Variants in PTN observed in about 807,000 individuals in gnomAD.
The protein encoded by PTN is heparin affin regulatory protein.
A neutral mutation model predicts 24.1 loss-of-function variants in PTN; 18 were observed. That is an observed-to-expected ratio of 0.75 (90% CI 0.52 to 1.11). The LOEUF (loss-of-function observed/expected upper bound fraction) is 1.11. PTN is among the 50% of genes least tolerant of loss of function. The pLI is 0.00. For missense variants in PTN, 163 were observed against 198.8 expected, an observed-to-expected ratio of 0.82 and a Z score of 1.08; for synonymous variants, 78 against 68.6, an observed-to-expected ratio of 1.14 and a Z score of -0.67.
intron 1 of PTN, among the ~76,000 whole-genome samples, chr7:137,292,769 T>C (rs914800277): frequency 6.6e-6 from 1 of 152,196 alleles, no homozygotes; most frequent in African/African-American, 2.4e-5. Flanking sequence ...TTTTCTCTCC[T>C]GAATATTTTC....
At chr7:137,326,750 A>G (rs925193317) in intron 1 of PTN, 3 of 152,184 alleles carry the variant, frequency 2.0e-5, no homozygotes, top group African/African-American at 7.2e-5. Context: ...TGTCTCTCCA[A>G]TGGGCTTTTA....
chr7:137,341,518 C>A (rs1011940638), intron 1 of PTN, among the ~76,000 whole-genome samples: 1 of 151,780 alleles, frequency 6.6e-6, no homozygotes, highest in African/African-American at 2.4e-5. Context: ...GTTAGGTATA[C>A]CTTATTACTC....
At chr7:137,314,313 G>T (rs1463665233) in intron 1 of PTN, among the ~76,000 whole-genome samples, 1 of 152,120 alleles carries the variant, frequency 6.6e-6, no homozygotes, top group Non-Finnish European at 1.5e-5. Flanking sequence ...TTTTCTGCAT[G>T]TATTAACTTA....
chr7:137,311,029 C>T (rs1262674048), intron 1 of PTN, among the ~76,000 whole-genome samples: 2 of 152,020 alleles, frequency 1.3e-5, no homozygotes, highest in East Asian at 3.9e-4. Flanking sequence ...GTCAGAAGTT[C>T]GAAACCAAAC....
intron 1 of PTN, among the ~76,000 whole-genome samples, chr7:137,330,799 T>C (rs998705583): frequency 1.3e-5 from 2 of 152,096 alleles, no homozygotes; most frequent in Admixed American, 6.5e-5. Flanking sequence ...CTGGAGTGAT[T>C]TCATGGGACT....
rs1808847645 is a variant in PTN, at chr7:137,252,599, AC to A, written c.289+864del. Among the ~76,000 whole-genome samples, 2 of 151,860 alleles carry A rather than the reference AC, an allele frequency of 1.3e-5. 1 individual carries two copies. The highest frequency in any genetic ancestry group is 4.9e-5 in the African/African-American group (2 of 41,104). ...GTCTATATCCATTCAAATAAAAAAT[AC>A]CCCAAAGATTACAGAGGGAGAAAAA... On this transcript the variant is annotated intron_variant, in intron 3 of 4. Transcript: ENST00000348225.
At chr7:137,246,413 C>T (rs1808724317) in intron 4 of PTN, among the ~76,000 whole-genome samples, 1 of 152,156 alleles carries the variant, frequency 6.6e-6, no homozygotes, top group African/African-American at 2.4e-5. Flanking sequence ...AATGAAATCA[C>T]CTAAGGATAC....
intron 1 of PTN, among the ~76,000 whole-genome samples, chr7:137,293,241 G>A (rs1395913323): frequency 6.6e-6 from 1 of 152,104 alleles, no homozygotes; most frequent in African/African-American, 2.4e-5. Context: ...AGAGATGAAA[G>A]AGAAAAGGTA....
At chr7:137,324,431 A>T (rs188200313) in intron 1 of PTN, among the ~76,000 whole-genome samples, 9,706 of 62,902 alleles carry the variant, frequency 0.15, 516 homozygotes, top group East Asian at 0.3. Flanking sequence ...AAAAAAAAAA[A>T]AAATATATAT....
At position 137,227,913 on chromosome 7, in the gene PTN, C is replaced by A; in HGVS notation, c.*107G>T. ...TCTTTTTGTTTTTGCTTATTGTGTA[C>A]TTAGCTATAGATAATTTTTGAATAC... On this transcript the variant is annotated 3_prime_UTR_variant, in exon 5 of 5. Transcript: ENST00000348225. 6.9e-7 allele frequency: 1 copy of A among 1,451,608 alleles called. No individual in the cohort carries two copies. The highest frequency in any genetic ancestry group is 1.5e-5 in the South Asian group (1 of 67,736). The allele number at this position is 1,451,608 out of a possible 1,614,324, so 89.9% of individuals were successfully genotyped here. A position where few individuals can be genotyped will look rare whatever the true frequency, so the allele number is the denominator to read the frequency against.
chr7:137,241,233 T>C (rs1469691463), intron 4 of PTN, among the ~76,000 whole-genome samples: 1 of 152,126 alleles, frequency 6.6e-6, no homozygotes, highest in Non-Finnish European at 1.5e-5. Flanking sequence ...GAGTTAAAAT[T>C]GGAGATGAGA....
At chr7:137,339,532 GA>G (rs1305316245) in intron 1 of PTN, among the ~76,000 whole-genome samples, 6 of 126,464 alleles carry the variant, frequency 4.7e-5, no homozygotes, top group Non-Finnish European at 8.1e-5. Flanking sequence ...TTGCAGTGAT[GA>G]AAATGTTGCC....
chr7:137,234,359 G>T (rs751685799), intron 4 of PTN, among the ~76,000 whole-genome samples: 1 of 151,926 alleles, frequency 6.6e-6, no homozygotes, highest in Non-Finnish European at 1.5e-5. Flanking sequence ...GGATGTACTG[G>T]ATCCAAGGGC....
chr7:137,309,868 C>A (rs1206555156), intron 1 of PTN, among the ~76,000 whole-genome samples: 2 of 152,184 alleles, frequency 1.3e-5, no homozygotes, highest in East Asian at 3.9e-4. Flanking sequence ...GAATCCACTT[C>A]TTCCAAACTT....
intron 1 of PTN, among the ~76,000 whole-genome samples, chr7:137,273,266 A>G (rs1459764651): frequency 6.6e-6 from 1 of 152,244 alleles, no homozygotes. Flanking sequence ...TGACTATGGT[A>G]TCTAAAATAA....
intron 1 of PTN, among the ~76,000 whole-genome samples, chr7:137,281,490 A>G (rs1269300466): frequency 6.6e-6 from 1 of 152,228 alleles, no homozygotes; most frequent in Non-Finnish European, 1.5e-5. Context: ...CAGGGCCAGT[A>G]GCGTGGACCT....
chr7:137,268,112 T>C (rs1809192802), intron 1 of PTN, among the ~76,000 whole-genome samples: 1 of 152,114 alleles, frequency 6.6e-6, no homozygotes, highest in Non-Finnish European at 1.5e-5. Context: ...AAGTGCCAAG[T>C]GCCAGTTCCT....
intron 1 of PTN, among the ~76,000 whole-genome samples, chr7:137,308,911 T>C (rs1470592923): frequency 6.6e-6 from 1 of 152,220 alleles, no homozygotes; most frequent in Non-Finnish European, 1.5e-5. Context: ...AAGTTACCTC[T>C]AAACCTAACA....
At chr7:137,294,444 A>G (rs1191245703) in intron 1 of PTN, among the ~76,000 whole-genome samples, 1 of 152,156 alleles carries the variant, frequency 6.6e-6, no homozygotes, top group East Asian at 1.9e-4. Flanking sequence ...CATGATGGAC[A>G]ATAGCCTTGG....
Sources: gnomAD v4.1 joint callset for allele counts (sites outside exome capture counted in the v4.1 genomes callset) on GRCh38, gnomAD v4.1.1 for gene constraint, MANE v1.5 for transcripts, NCBI Gene and HGNC (gene_info 2026-07-23, HGNC 2026-07-21) for gene names.